Variants in CADM2 observed in about 807,000 individuals in gnomAD.
CADM2 encodes immunoglobulin superfamily member 4D.
CADM2 carries 12 observed loss-of-function variants against 49.8 expected under a neutral mutation model. The ratio of observed to expected loss-of-function variants is 0.24; its 90% CI spans 0.15 to 0.39. CADM2 has a LOEUF of 0.39. Ranked by LOEUF, CADM2 falls within the 10% of genes least tolerant of loss-of-function variation. CADM2 has a pLI of 1.00. For missense variants in CADM2, 378 were observed against 492.3 expected, an observed-to-expected ratio of 0.77 and a Z score of 2.20; for synonymous variants, 214 against 175.4, an observed-to-expected ratio of 1.22 and a Z score of -1.74.
At chr3:85,047,385 T>C (rs1051496583) in intron 1 of CADM2, among the ~76,000 whole-genome samples, 13 of 152,148 alleles carry the variant, frequency 8.5e-5, no homozygotes, top group Non-Finnish European at 1.9e-4. Context: ...TTTGCAACAA[T>C]GGAAATTACA....
At chr3:84,984,366 A>G (rs1164664545) in intron 1 of CADM2, among the ~76,000 whole-genome samples, 1 of 82,116 alleles carries the variant, frequency 1.2e-5, no homozygotes, top group African/African-American at 3.5e-5. Flanking sequence ...TAAAAAAAAA[A>G]AAAAAAAAAA....
intron 1 of CADM2, among the ~76,000 whole-genome samples, chr3:85,523,479 T>C (rs1299396542): frequency 6.6e-6 from 1 of 152,100 alleles, no homozygotes. Context: ...TGTTAAACAA[T>C]CAAAGTGATA....
At chr3:84,970,401 T>G (rs2031341639) in intron 1 of CADM2, among the ~76,000 whole-genome samples, 1 of 151,864 alleles carries the variant, frequency 6.6e-6, no homozygotes, top group Non-Finnish European at 1.5e-5. Flanking sequence ...TTGTAGTGAC[T>G]ATATTTTCAC....
intron 2 of CADM2, among the ~76,000 whole-genome samples, chr3:85,750,623 G>A (rs1489019957): frequency 6.6e-6 from 1 of 151,948 alleles, no homozygotes; most frequent in Non-Finnish European, 1.5e-5. Flanking sequence ...CTTTCTCATG[G>A]TAAGAACAGC....
intron 1 of CADM2, among the ~76,000 whole-genome samples, chr3:85,496,197 C>T (rs769314751): frequency 3.9e-5 from 6 of 152,052 alleles, no homozygotes; most frequent in Non-Finnish European, 4.4e-5. Flanking sequence ...CTCTTTTCCT[C>T]TCTCCCTCCT....
At chr3:85,417,541 T>C (rs558573660) in intron 1 of CADM2, among the ~76,000 whole-genome samples, 2 of 152,204 alleles carry the variant, frequency 1.3e-5, no homozygotes, top group South Asian at 2.1e-4. Context: ...GGGATTCTAT[T>C]ACTAGCTTTT....
intron 3 of CADM2, among the ~76,000 whole-genome samples, chr3:85,816,063 A>G (rs879095399): frequency 6.6e-6 from 1 of 152,136 alleles, no homozygotes; most frequent in African/African-American, 2.4e-5. Flanking sequence ...ACCCATACCA[A>G]CAAAATATAT....
chr3:85,570,650 A>G (rs2062448713), intron 1 of CADM2, among the ~76,000 whole-genome samples: 1 of 152,194 alleles, frequency 6.6e-6, no homozygotes, highest in African/African-American at 2.4e-5. Context: ...GAAAAATACT[A>G]ACCTAACACA....
intron 1 of CADM2, among the ~76,000 whole-genome samples, chr3:85,045,067 T>A (rs2107380226): frequency 6.6e-6 from 1 of 152,246 alleles, no homozygotes; most frequent in Middle Eastern, 3.4e-3. Flanking sequence ...TATTGTTGGT[T>A]TCCAGAAGCC....
At chr3:85,932,903 G>C (rs1171851361) in intron 6 of CADM2, among the ~76,000 whole-genome samples, 1 of 152,100 alleles carries the variant, frequency 6.6e-6, no homozygotes, top group Non-Finnish European at 1.5e-5. Flanking sequence ...GGAAATATGT[G>C]TTAAGTATAT....
chr3:85,138,521 A>C (rs2039485095), intron 1 of CADM2, among the ~76,000 whole-genome samples: 2 of 152,318 alleles, frequency 1.3e-5, no homozygotes, highest in South Asian at 4.1e-4. Context: ...ATATCTAAGA[A>C]GGTATTTTTC....
intron 1 of CADM2, among the ~76,000 whole-genome samples, chr3:85,475,852 G>A (rs1002998677): frequency 6.6e-6 from 1 of 151,768 alleles, no homozygotes; most frequent in African/African-American, 2.4e-5. Flanking sequence ...AATTATTATA[G>A]TTTCATTACC....
At chr3:85,205,096 CA>C (rs1306358788) in intron 1 of CADM2, among the ~76,000 whole-genome samples, 8 of 150,880 alleles carry the variant, frequency 5.3e-5, no homozygotes, top group African/African-American at 1.7e-4. Context: ...TGGCTCACTG[CA>C]GCCTCCACCT....
At chr3:85,274,977 A>T (rs2043323486) in intron 1 of CADM2, among the ~76,000 whole-genome samples, 1 of 151,442 alleles carries the variant, frequency 6.6e-6, no homozygotes, top group African/African-American at 2.4e-5. Context: ...TTGAGAAGAG[A>T]AACAGCTTGA....
intron 1 of CADM2, among the ~76,000 whole-genome samples, chr3:85,186,716 C>G (rs892580694): frequency 6.6e-6 from 1 of 151,636 alleles, no homozygotes; most frequent in Non-Finnish European, 1.5e-5. Context: ...CAATCGGAAA[C>G]GTCTCCAGAG....
intron 1 of CADM2, among the ~76,000 whole-genome samples, chr3:85,393,889 C>T (rs1036956525): frequency 6.6e-6 from 1 of 152,150 alleles, no homozygotes; most frequent in Non-Finnish European, 1.5e-5. Context: ...AAGTTACTCG[C>T]TCCGCCTCCC....
intron 8 of CADM2, among the ~76,000 whole-genome samples, chr3:85,989,212 G>A (rs1728473663): frequency 6.6e-6 from 1 of 152,154 alleles, no homozygotes; most frequent in African/African-American, 2.4e-5. Context: ...AGAAGGACAG[G>A]CAGTTTTTGG....
At chr3:85,755,793 A>G (rs892697188) in intron 2 of CADM2, among the ~76,000 whole-genome samples, 1 of 152,070 alleles carries the variant, frequency 6.6e-6, no homozygotes, top group African/African-American at 2.4e-5. Flanking sequence ...CCATGATCCA[A>G]TCACCCCTCA....
chr3:86,033,401 C>T (rs1021277520), intron 8 of CADM2, among the ~76,000 whole-genome samples: 3 of 151,672 alleles, frequency 2.0e-5, no homozygotes. Context: ...ATATAAGATA[C>T]CATTATTTCC....
Sources: gnomAD v4.1 joint callset for allele counts (sites outside exome capture counted in the v4.1 genomes callset) on GRCh38, gnomAD v4.1.1 for gene constraint, MANE v1.5 for transcripts, NCBI Gene and HGNC (gene_info 2026-07-23, HGNC 2026-07-21) for gene names.